STRIP2: variants seen among roughly 807,000 people sequenced by gnomAD.
The protein encoded by STRIP2 is striatin interacting protein 2.
Under a neutral mutation model 107.1 loss-of-function variants are expected in STRIP2, and 84 were observed. That is an observed-to-expected ratio of 0.78 (90% CI 0.66 to 0.94). The LOEUF is 0.94. Ranked by LOEUF, STRIP2 falls within the 40% of genes least tolerant of loss-of-function variation. The pLI, the probability that STRIP2 is intolerant of heterozygous loss-of-function variation, is 0.00. For missense variants in STRIP2, 888 were observed against 1,034.2 expected (o/e 0.86, Z 1.94); for synonymous variants, 394 against 400.4 (o/e 0.98, Z 0.19).
intron 13 of STRIP2, chr7:129,460,643 T>G: frequency 2.3e-6 from 1 of 429,646 alleles, no homozygotes; most frequent in South Asian, 2.3e-5. Flanking sequence ...CTACTTAAGA[T>G]TGGGCAGTTG....
chr7:129,437,017 A>G lies in STRIP2; in HGVS notation c.129+2416A>G, dbSNP rs1437503333. On this transcript the variant is annotated intron_variant, in intron 1 of 20. Transcript: ENST00000249344. ...GTCTGTGGTAAAATGAGGAAAATTC[A>G]GGTCATCGAAGTGAGTTTTTCTAAA... is the stretch of plus-strand genomic sequence containing the variant. 2.0e-5 allele frequency among the ~76,000 whole-genome samples: 3 copies of G among 152,258 alleles called. No homozygotes were observed. The East Asian group carries it at 5.8e-4, about 29-fold the overall frequency.
At chr7:129,442,588 A>T (rs1797929884) in intron 2 of STRIP2, among the ~76,000 whole-genome samples, 1 of 152,194 alleles carries the variant, frequency 6.6e-6, no homozygotes, top group Non-Finnish European at 1.5e-5. Context: ...TTTAAAAATA[A>T]AAAGACCAAG....
chr7:129,485,733 T>A lies in STRIP2; in HGVS notation c.2409T>A (p.Asp803Glu). ...AGAGCGTACTGGGGCAGAGGTTGGA[T>A]CTGCCTGAAGATTTCCACTATTCAT... Reference protein sequence around the residue: ...CLQSVLGQRLDLPEDFHYSYE... With the variant: ...CLQSVLGQRLELPEDFHYSYE... The change falls in exon 21 of 21, where the codon GAT (aspartate) becomes GAA (glutamate). Residue 803 changes from aspartate (D) to glutamate (E), a missense_variant. Transcript: ENST00000249344. The A allele has an allele frequency of 6.2e-7, 1 of 1,614,174 alleles. No individual in the cohort carries two copies. The highest frequency in any genetic ancestry group is 8.5e-7 in the Non-Finnish European group (1 of 1,180,036).
rs534385595 is a variant in STRIP2 at position 129,478,111 on chromosome 7, G to C, written c.1945-2674G>C. 69 of 269,244 alleles carry C rather than the reference G, an allele frequency of 2.6e-4. 1 individual carries two copies. Among genetic ancestry groups the C allele is most frequent in the South Asian group, 2.2e-3 (59 of 26,710 alleles). 16.7% of individuals were successfully genotyped at this position (269,244 alleles called of 1,614,324 possible). On this transcript the variant is annotated intron_variant, in intron 18 of 20. Transcript: ENST00000249344. ...AAACCTTGGAACAAGAATAAATAAT[G>C]GCTGTTCAGCAGAGAAATTCCACGT... is the stretch of plus-strand genomic sequence containing the variant.
intron 18 of STRIP2, among the ~76,000 whole-genome samples, chr7:129,473,425 C>G (rs760231784): frequency 2.0e-5 from 3 of 152,092 alleles, no homozygotes; most frequent in Non-Finnish European, 2.9e-5. Context: ...GCAGTGCACT[C>G]GGCCTGAAGC....
At chr7:129,474,598 C>CTCCCAG (rs879324886) in intron 18 of STRIP2, among the ~76,000 whole-genome samples, 1 of 152,120 alleles carries the variant, frequency 6.6e-6, no homozygotes, top group African/African-American at 2.4e-5. Flanking sequence ...CAGCCTCCAC[C>CTCCCAG]TCCCAGGTTC....
At chr7:129,451,546 T>G in intron 3 of STRIP2, 67 bp from the exon 4 acceptor site, 1 of 1,590,646 alleles carries the variant, frequency 6.3e-7, no homozygotes, top group Non-Finnish European at 8.6e-7. Context: ...GTGGATATGC[T>G]ATGAGGAGCC....
Position 129,458,088 on chromosome 7 carries a change from T to G in STRIP2, c.1039-127T>G, listed in dbSNP as rs1268188829. ...AGGTTAAGGTGGGGAATTGGATGTT[T>G]TCGCAAGGGCTGTGTTCAGATTCCA... is the stretch of plus-strand genomic sequence containing the variant. On this transcript the variant is annotated intron_variant, in intron 9 of 20. Transcript: ENST00000249344. This position sits in a 1 kb window ranked among gnomAD's most constrained non-coding sequence, Gnocchi z 4.6. 2.6e-6 allele frequency: 2 copies of G among 779,332 alleles called. No homozygotes were observed. Among genetic ancestry groups the G allele is most frequent in the Non-Finnish European group, 4.5e-6 (2 of 445,756 alleles). The allele number at this position is 779,332 out of a possible 1,614,324, so 48.3% of individuals were successfully genotyped here.
rs1453697621 is a variant in STRIP2 at position 129,487,781 on chromosome 7, C to G, written c.*1952C>G. ...TTTCAAGGAAAGAGTAATCATCCATCAATTTATTATAAAGCCAGATAGTAT... is the reference window on the plus strand; with the variant it reads ...TTTCAAGGAAAGAGTAATCATCCATGAATTTATTATAAAGCCAGATAGTAT... On this transcript the variant is annotated 3_prime_UTR_variant, in exon 21 of 21. Coordinates refer to ENST00000249344, the MANE Select transcript of STRIP2 (RefSeq NM_020704.3). 1 of 152,094 alleles carries G rather than the reference C, an allele frequency of 6.6e-6. No individual in the cohort carries two copies. The highest frequency in any genetic ancestry group is 1.5e-5 in the Non-Finnish European group (1 of 68,010). The allele number at this position is 152,094 out of a possible 1,614,324, so 9.4% of individuals were successfully genotyped here.
Position 129,463,046 on chromosome 7 carries a change from G to T in STRIP2, c.1551+6G>T. On this transcript the variant is annotated splice_donor_region_variant and intron_variant, in intron 14 of 20. Transcript: ENST00000249344. Reference sequence around the variant, plus strand: ...ACAGCCTTCCGCAGTATATGGTAAGGAGATGGCTAGGCCAGAGCTGCCCTT... The same window carrying T: ...ACAGCCTTCCGCAGTATATGGTAAGTAGATGGCTAGGCCAGAGCTGCCCTT... 1 of 1,610,894 alleles carries T rather than the reference G, an allele frequency of 6.2e-7. No homozygotes were observed. The highest frequency in any genetic ancestry group is 8.5e-7 in the Non-Finnish European group (1 of 1,178,080).
intron 18 of STRIP2, among the ~76,000 whole-genome samples, chr7:129,471,107 G>C (rs966460196): frequency 6.6e-6 from 1 of 151,870 alleles, no homozygotes. Flanking sequence ...TTTCATATAG[G>C]TAATAAAACC....
intron 19 of STRIP2, among the ~76,000 whole-genome samples, chr7:129,482,377 A>AT (rs869099836): frequency 1.1e-3 from 79 of 69,010 alleles, no homozygotes; most frequent in East Asian, 1.9e-3. Flanking sequence ...ATATATATAT[A>AT]TTTTTTTTTT....
At chr7:129,442,811 G>A (rs1797935849) in intron 2 of STRIP2, among the ~76,000 whole-genome samples, 1 of 152,156 alleles carries the variant, frequency 6.6e-6, no homozygotes, top group Non-Finnish European at 1.5e-5. Flanking sequence ...TAGACAGCTG[G>A]CTGGAACATA....
chr7:129,455,612 G>T lies in STRIP2; in HGVS notation c.834+241G>T, dbSNP rs1156680047. Among the ~76,000 whole-genome samples the T allele has an allele frequency of 2.0e-5, 3 of 152,146 alleles. No individual in the cohort carries two copies. The South Asian group carries it at 6.2e-4, about 32-fold the overall frequency. On this transcript the variant is annotated intron_variant, in intron 8 of 20. Coordinates refer to ENST00000249344, the MANE Select transcript of STRIP2 (RefSeq NM_020704.3). ...CACTCCATAAATTGGGGATGTCAGTGGTACCTTCTCTTATTAAAGCCAATG... is the reference window on the plus strand; with the variant it reads ...CACTCCATAAATTGGGGATGTCAGTTGTACCTTCTCTTATTAAAGCCAATG...
At chr7:129,477,213 G>GGGGGA (rs1798991594) in intron 18 of STRIP2, among the ~76,000 whole-genome samples, 1 of 29,100 alleles carries the variant, frequency 3.4e-5, no homozygotes, top group African/African-American at 9.9e-5. Context: ...AGGGGGAGGG[G>GGGGGA]GAGGGAGACT....
In STRIP2 at chr7:129,458,573, G is replaced by C. The variant is rs1798434915; in HGVS notation, c.1274+123G>C. 4.0e-6 allele frequency: 5 copies of C among 1,251,000 alleles called. No individual in the cohort carries two copies. The highest frequency in any genetic ancestry group is 5.6e-6 in the Non-Finnish European group (5 of 891,810). 77.5% of individuals were successfully genotyped at this position (1,251,000 alleles called of 1,614,324 possible). A position where few individuals can be genotyped will look rare whatever the true frequency, so the allele number is the denominator to read the frequency against. On this transcript the variant is annotated intron_variant, in intron 10 of 20. Coordinates refer to ENST00000249344, the MANE Select transcript of STRIP2 (RefSeq NM_020704.3). The surrounding 1 kb of genome is among the most constrained non-coding windows in gnomAD (Gnocchi z 4.6). ...TCTGGCAGTCAGAACTCCTGGGTTT[G>C]AAATTCCTTCTGTTGATTGCTGCCT...
intron 3 of STRIP2, among the ~76,000 whole-genome samples, chr7:129,449,838 C>T (rs1798134703): frequency 6.6e-6 from 1 of 152,194 alleles, no homozygotes. Context: ...GCAATCTTAG[C>T]AGATTTGAGG....
intron 18 of STRIP2, among the ~76,000 whole-genome samples, chr7:129,474,117 C>A (rs1798858853): frequency 1.3e-5 from 2 of 152,072 alleles, no homozygotes; most frequent in Non-Finnish European, 2.9e-5. Flanking sequence ...TGTGTAACTC[C>A]AAAACAAACA....
At chr7:129,437,774 A>G (rs923165452) in intron 1 of STRIP2, among the ~76,000 whole-genome samples, 5 of 148,464 alleles carry the variant, frequency 3.4e-5, no homozygotes, top group African/African-American at 7.5e-5. Context: ...AATCTTTGCT[A>G]TAGTGGATTA....
Sources: gnomAD v4.1 joint callset for allele counts (sites outside exome capture counted in the v4.1 genomes callset) on GRCh38, gnomAD v4.1.1 for gene constraint, Gnocchi (gnomAD v3.1) non-coding constraint, MANE v1.5 for transcripts, NCBI Gene and HGNC (gene_info 2026-07-23, HGNC 2026-07-21) for gene names.